The following GAS6 variants were observed in gnomAD, a reference collection of about 807,000 sequenced individuals.
GAS6 encodes growth arrest specific 6, also known as growth arrest-specific protein 6.
A neutral mutation model predicts 75.8 loss-of-function variants in GAS6; 41 were observed. The observed-to-expected ratio is 0.54, with a 90% CI of 0.42 to 0.70. The LOEUF (loss-of-function observed/expected upper bound fraction) is 0.70, where lower values mean the gene tolerates loss of function less well. GAS6 is among the 30% of genes least tolerant of loss of function. The pLI is 0.00. For synonymous variants in GAS6, 432 were observed against 412.6 expected (o/e 1.05, Z -0.57); for missense variants, 854 against 940.2 (o/e 0.91, Z 1.20).
chr13:113,823,615 C>A, intron 12 of GAS6, 65 bp from the exon 13 acceptor site: 1 of 1,493,116 alleles, frequency 6.7e-7, no homozygotes. Context: ...GAGGTCGGAG[C>A]AGGGCCTCGA....
At chr13:113,854,567 A>G (rs559654405) in intron 2 of GAS6, among the ~76,000 whole-genome samples, 1 of 152,366 alleles carries the variant, frequency 6.6e-6, no homozygotes, top group South Asian at 2.1e-4. Flanking sequence ...TGTGGTGCAC[A>G]ACATTCAGCA....
At chr13:113,847,709 T>C (rs542477498) in intron 3 of GAS6, 2 of 400,062 alleles carry the variant, frequency 5.0e-6, no homozygotes, top group South Asian at 5.1e-5. Flanking sequence ...AAGTGATTAG[T>C]GCTGAGGTCA....
At chr13:113,854,411 G>A (rs766862674) in intron 2 of GAS6, among the ~76,000 whole-genome samples, 10 of 152,190 alleles carry the variant, frequency 6.6e-5, no homozygotes, top group South Asian at 2.1e-4. Context: ...GCCGAGACTC[G>A]CCCCGCATGG....
Position 113,822,082 on chromosome 13 carries a change from G to A in GAS6, c.1758C>T (p.Ala586=), listed in dbSNP as rs900260679. 3.8e-6 allele frequency: 6 copies of A among 1,595,712 alleles called. No individual in the cohort carries two copies. Among genetic ancestry groups the A allele is most frequent in the African/African-American group, 2.7e-5 (2 of 74,828 alleles). ...VVTVSLRDGE[A]TLEVDGTRGQ... ...CCCTGGTGCCGTCCACCTCCAGGGTGGCCTCACCGTCCCTCAGCGAGACGG... is the reference window on the plus strand; with the variant it reads ...CCCTGGTGCCGTCCACCTCCAGGGTAGCCTCACCGTCCCTCAGCGAGACGG... The change falls in exon 14 of 15, where the codon GCC becomes GCT. Residue 586 remains alanine, a synonymous_variant. Transcript: ENST00000327773.
At chr13:113,853,823 A>T (rs1468364464) in intron 2 of GAS6, among the ~76,000 whole-genome samples, 1 of 152,114 alleles carries the variant, frequency 6.6e-6, no homozygotes, top group Non-Finnish European at 1.5e-5. Context: ...CGTCTTACAG[A>T]CCCTTGGCCT....
chr13:113,828,442 C>G, intron 11 of GAS6, 105 bp downstream of exon 11: 1 of 1,216,878 alleles, frequency 8.2e-7, no homozygotes, highest in East Asian at 2.6e-5. Context: ...CTCCTCACAC[C>G]TGGTTAATGG....
Position 113,863,911 on chromosome 13 carries a change from A to G in GAS6, c.10T>C (p.Ser4Pro). MAP[S>P]LSPGPAALRR... ...AGGGCGGCGGGCCCGGGCGAGAGCG[A>G]AGGGGCCATGGCGGGCCGGGGACGC... The change falls in exon 1 of 15, where the codon TCG (serine) becomes CCG (proline). Residue 4 changes from serine (S) to proline (P), a missense_variant. Transcript: ENST00000327773. The surrounding 1 kb of genome is among the most constrained non-coding windows in gnomAD (Gnocchi z 9.4). 1 of 1,170,574 alleles carries G rather than the reference A, an allele frequency of 8.5e-7. No homozygotes were observed. Among genetic ancestry groups the G allele is most frequent in the Non-Finnish European group, 1.1e-6 (1 of 950,570 alleles). 72.5% of individuals were successfully genotyped at this position (1,170,574 alleles called of 1,614,324 possible).
chr13:113,849,990 C>T (rs1373864291), intron 2 of GAS6, among the ~76,000 whole-genome samples: 1 of 152,170 alleles, frequency 6.6e-6, no homozygotes, highest in Non-Finnish European at 1.5e-5. Flanking sequence ...TTCACATTTT[C>T]CTGAGAACAT....
At chr13:113,834,400 C>T (rs541060138) in intron 8 of GAS6, 151 bp downstream of exon 8, 61 of 785,484 alleles carry the variant, frequency 7.8e-5, no homozygotes, top group East Asian at 5.8e-4. Context: ...GGAACAGAAG[C>T]GTTTCTCATC....
chr13:113,847,908 A>G (rs1443491475), intron 3 of GAS6, 118 bp downstream of exon 3: 5 of 932,050 alleles, frequency 5.4e-6, no homozygotes, highest in South Asian at 1.3e-5. Context: ...CACGTGCACC[A>G]TGTGATTAAG....
intron 2 of GAS6, among the ~76,000 whole-genome samples, chr13:113,849,995 G>C (rs1466562548): frequency 6.6e-6 from 1 of 152,184 alleles, no homozygotes; most frequent in African/African-American, 2.4e-5. Flanking sequence ...ATTTTCCTGA[G>C]AACATTCTGG....
intron 3 of GAS6, among the ~76,000 whole-genome samples, chr13:113,847,490 C>T (rs369857798): frequency 6.6e-6 from 1 of 152,368 alleles, no homozygotes; most frequent in Admixed American, 6.5e-5. Flanking sequence ...TCTTGCTGTC[C>T]TCCCTTCCCA....
At chr13:113,859,172 T>C (rs1344288464) in intron 2 of GAS6, among the ~76,000 whole-genome samples, 3 of 151,570 alleles carry the variant, frequency 2.0e-5, no homozygotes, top group Non-Finnish European at 4.4e-5. Context: ...ACATGTCTGC[T>C]AGTATGTGCC....
At chr13:113,821,241 T>G in intron 14 of GAS6, 5 of 574,602 alleles carry the variant, frequency 8.7e-6, no homozygotes, top group East Asian at 2.9e-5. Context: ...CAGCCCTCCC[T>G]TCCCCGCTGG....
rs534374062 is a variant in GAS6, at chr13:113,826,742, G to A, written c.1477+254C>T. 7.7e-4 allele frequency among the ~76,000 whole-genome samples: 117 copies of A among 152,092 alleles called. 3 individuals are homozygous for A. The highest frequency in any genetic ancestry group is 3.4e-3 in the Middle Eastern group (1 of 294). ...TCCCCGGCCTCCTGGCACTGGCTTCGCAGGCACCTTCTCGGCACATCTCTC... is the reference window on the plus strand; with the variant it reads ...TCCCCGGCCTCCTGGCACTGGCTTCACAGGCACCTTCTCGGCACATCTCTC... On this transcript the variant is annotated intron_variant, in intron 12 of 14. Coordinates refer to ENST00000327773, the MANE Select transcript of GAS6 (RefSeq NM_000820.4).
chr13:113,825,234 CAAAA>C (rs71105207), intron 12 of GAS6, among the ~76,000 whole-genome samples: 1 of 58,368 alleles, frequency 1.7e-5, no homozygotes, highest in South Asian at 5.9e-4. Context: ...AACTCCGTCT[CAAAA>C]AAAAAAAAAA....
chr13:113,863,851 CCAGCAGCAG>C lies in GAS6; in HGVS notation c.61_69del (p.Leu21_Leu23del), dbSNP rs897584782. On this transcript the variant is annotated inframe_deletion, in exon 1 of 15. Coordinates refer to ENST00000327773, the MANE Select transcript of GAS6 (RefSeq NM_000820.4). This position sits in a 1 kb window ranked among gnomAD's most constrained non-coding sequence, Gnocchi z 9.4. ...GACTCACCAAGCGCGCACTCCGCGG[CCAGCAGCAG>C]CAGCAGCAGCTGCGGCGCGCGGCGC... 5 of 1,267,510 alleles carry C rather than the reference CCAGCAGCAG, an allele frequency of 3.9e-6. No individual in the cohort carries two copies. Among genetic ancestry groups the C allele is most frequent in the African/African-American group, 1.6e-5 (1 of 63,678 alleles). 78.5% of individuals were successfully genotyped at this position (1,267,510 alleles called of 1,614,324 possible).
chr13:113,849,005 T>G (rs772828793), intron 2 of GAS6, among the ~76,000 whole-genome samples: 1 of 152,184 alleles, frequency 6.6e-6, no homozygotes, highest in Non-Finnish European at 1.5e-5. Flanking sequence ...TCTGGCTTCA[T>G]GCGCTGGCTC....
Position 113,848,269 on chromosome 13 carries a change from T to C in GAS6, c.256-219A>G, listed in dbSNP as rs1227786640. Among the ~76,000 whole-genome samples, 1 of 152,050 alleles carries C rather than the reference T, an allele frequency of 6.6e-6. No homozygotes were observed. Among genetic ancestry groups the C allele is most frequent in the African/African-American group, 2.4e-5 (1 of 41,394 alleles). On this transcript the variant is annotated intron_variant, in intron 2 of 14. Coordinates refer to ENST00000327773, the MANE Select transcript of GAS6 (RefSeq NM_000820.4). This position sits in a 1 kb window ranked among gnomAD's most constrained non-coding sequence, Gnocchi z 4.8. ...GCTGCGTAGGAAGTGCTACCAGGTGTGTCCAGGGGAGAGGCCTGCCCAGGA... is the reference window on the plus strand; with the variant it reads ...GCTGCGTAGGAAGTGCTACCAGGTGCGTCCAGGGGAGAGGCCTGCCCAGGA...
Sources: allele counts gnomAD v4.1 joint callset (sites outside exome capture counted in the v4.1 genomes callset), GRCh38; gene constraint gnomAD v4.1.1; non-coding constraint Gnocchi (gnomAD v3.1); transcripts MANE v1.5; gene names NCBI Gene and HGNC (gene_info 2026-07-23, HGNC 2026-07-21).